Variants in ACACA observed in about 807,000 individuals in gnomAD.
The protein encoded by ACACA is acetyl-CoA carboxylase 1.
A neutral mutation model predicts 296.1 loss-of-function variants in ACACA; 103 were observed. The ratio of observed to expected loss-of-function variants is 0.35; its 90% confidence interval spans 0.30 to 0.41. ACACA has a LOEUF of 0.41. Among genes scored for constraint, ACACA ranks in the 10% least tolerant of loss-of-function variants. The probability of loss-of-function intolerance (pLI) is 1.00; values close to 1 mark genes in which losing one functional copy is unlikely to be tolerated. For missense variants in ACACA, 1,554 were observed against 2,989.7 expected (o/e 0.52, Z 11.20); for synonymous variants, 953 against 1,038.6 (o/e 0.92, Z 1.58).
At chr17:37,151,794 T>C (rs1004734494) in intron 43 of ACACA, among the ~76,000 whole-genome samples, 15 of 152,146 alleles carry the variant, frequency 9.9e-5, no homozygotes, top group South Asian at 4.1e-4. Context: ...CCCAAGTAGC[T>C]GGGACTACAG....
intron 45 of ACACA, chr17:37,144,279 C>A: frequency 1.6e-6 from 1 of 617,914 alleles, no homozygotes; most frequent in Non-Finnish European, 3.0e-6. Context: ...TTCTTAGGAT[C>A]TCCTTTGCCC....
chr17:37,326,917 C>T (rs1371625883), intron 3 of ACACA, among the ~76,000 whole-genome samples: 3 of 152,124 alleles, frequency 2.0e-5, no homozygotes, highest in African/African-American at 7.2e-5. Context: ...TCATCTCCAT[C>T]GCAGGAAAAG....
In ACACA at chr17:37,390,175, T is replaced by TATAC. The variant is rs60788220; in HGVS notation, c.38+16086_38+16087insGTAT. Among the ~76,000 whole-genome samples the TATAC allele has an allele frequency of 1.1e-3, 51 of 44,500 alleles. 2 individuals carry two copies. The highest frequency in any genetic ancestry group is 2.1e-3 in the African/African-American group (18 of 8,588). 29.2% of individuals were successfully genotyped at this position (44,500 alleles called of 152,430 possible). ...ATATATATATATATATATATATATATACACACACACATTATATATAAATAT... is the reference window on the plus strand; with the variant it reads ...ATATATATATATATATATATATATATATACACACACACACATTATATATAAATAT... On this transcript the variant is annotated intron_variant, in intron 1 of 55. Coordinates refer to ENST00000616317, the MANE Select transcript of ACACA (RefSeq NM_198834.3).
Position 37,093,850 on chromosome 17 carries a change from A to G in ACACA, c.6891+3146T>C, listed in dbSNP as rs1597794804. 2.0e-5 allele frequency among the ~76,000 whole-genome samples: 3 copies of G among 152,258 alleles called. No homozygotes were observed. In the East Asian group the frequency reaches 5.8e-4, roughly 29 times the overall value. ...TAAAACTCACTGAACCCCATGACAT[A>G]AACACCACCCCCATTTTACAGATGA... is the stretch of plus-strand genomic sequence containing the variant. On this transcript the variant is annotated intron_variant, in intron 54 of 55. Coordinates refer to ENST00000616317, the MANE Select transcript of ACACA (RefSeq NM_198834.3).
rs148258369 is a variant in ACACA at position 37,189,559 on chromosome 17, T to G, written c.4573-1079A>C. Among the ~76,000 whole-genome samples, 53 of 152,180 alleles carry G rather than the reference T, an allele frequency of 3.5e-4. 1 individual carries two copies. Among genetic ancestry groups the G allele is most frequent in the Non-Finnish European group, 5.1e-4 (35 of 68,030 alleles). On this transcript the variant is annotated intron_variant, in intron 38 of 55. Transcript: ENST00000616317. ...TTTATGTACAGAAAATTGGCAGCTA[T>G]CTATCATTAGAAAAGCAGAGCCAGT...
intron 1 of ACACA, chr17:37,359,020 G>T: frequency 1.0e-6 from 1 of 985,854 alleles, no homozygotes. Flanking sequence ...AACGTGTGCG[G>T]TCGGGCGATT....
At chr17:37,280,762 C>CA (rs58463366) in intron 5 of ACACA, among the ~76,000 whole-genome samples, 3 of 145,124 alleles carry the variant, frequency 2.1e-5, no homozygotes, top group African/African-American at 2.8e-5. Flanking sequence ...CACACACACA[C>CA]CCCAAAAAAC....
At chr17:37,284,806 T>G in intron 4 of ACACA, 32 bp downstream of exon 4, 1 of 1,614,030 alleles carries the variant, frequency 6.2e-7, no homozygotes, top group Non-Finnish European at 8.5e-7. Context: ...CTAAGTGCTT[T>G]TGACAAAATA....
chr17:37,371,761 G>C (rs9890298), intron 1 of ACACA, among the ~76,000 whole-genome samples: 1 of 151,824 alleles, frequency 6.6e-6, no homozygotes, highest in Non-Finnish European at 1.5e-5. Context: ...TTAGCCAGGC[G>C]TGGTGATGGG....
At chr17:37,349,091 C>T (rs1418683480) in intron 1 of ACACA, among the ~76,000 whole-genome samples, 3 of 151,148 alleles carry the variant, frequency 2.0e-5, no homozygotes, top group Admixed American at 6.6e-5. Flanking sequence ...GATGGAGTCT[C>T]GCTCTGTTGC....
chr17:37,329,906 A>C (rs1369051489), intron 3 of ACACA, among the ~76,000 whole-genome samples: 1 of 152,140 alleles, frequency 6.6e-6, no homozygotes, highest in Non-Finnish European at 1.5e-5. Context: ...GCACCACTGC[A>C]CTCCAGCTTG....
At chr17:37,238,750 T>C (rs2080242802) in intron 24 of ACACA, among the ~76,000 whole-genome samples, 1 of 152,234 alleles carries the variant, frequency 6.6e-6, no homozygotes, top group Non-Finnish European at 1.5e-5. Context: ...GATTATAATT[T>C]TCCTCAAAAG....
chr17:37,267,911 C>T (rs753864768), intron 10 of ACACA, among the ~76,000 whole-genome samples: 51 of 152,106 alleles, frequency 3.4e-4, no homozygotes, highest in Non-Finnish European at 6.3e-4. Context: ...CAGGCATGTG[C>T]CACCAGGCCC....
At chr17:37,194,068 C>G (rs2145142278) in intron 35 of ACACA, among the ~76,000 whole-genome samples, 1 of 151,922 alleles carries the variant, frequency 6.6e-6, no homozygotes, top group Non-Finnish European at 1.5e-5. Context: ...TTTACTAGAA[C>G]CTTATTAATT....
chr17:37,151,999 G>A (rs924628973), intron 43 of ACACA, among the ~76,000 whole-genome samples: 1 of 151,378 alleles, frequency 6.6e-6, no homozygotes, highest in African/African-American at 2.4e-5. Context: ...GTTTCACCAT[G>A]TTGGCCAGGA....
chr17:37,210,189 C>A (rs2078683572), intron 30 of ACACA, among the ~76,000 whole-genome samples: 1 of 152,128 alleles, frequency 6.6e-6, no homozygotes, highest in Non-Finnish European at 1.5e-5. Context: ...GCTAGCAAGG[C>A]CGGACATAAG....
At chr17:37,126,184 C>T (rs2143219306) in intron 47 of ACACA, among the ~76,000 whole-genome samples, 1 of 152,186 alleles carries the variant, frequency 6.6e-6, no homozygotes, top group Non-Finnish European at 1.5e-5. Flanking sequence ...TAAAACTTGC[C>T]TTACAATTTT....
intron 1 of ACACA, chr17:37,386,154 G>T: frequency 7.1e-7 from 1 of 1,407,316 alleles, no homozygotes; most frequent in Non-Finnish European, 9.9e-7. Context: ...AAATGACAAA[G>T]TACAGAATAA....
chr17:37,396,393 T>C (rs1444789455), intron 1 of ACACA, among the ~76,000 whole-genome samples: 1 of 152,022 alleles, frequency 6.6e-6, no homozygotes, highest in Non-Finnish European at 1.5e-5. Context: ...TTTGTATCTC[T>C]GTTTTGCCAT....
Sources: allele counts gnomAD v4.1 joint callset (sites outside exome capture counted in the v4.1 genomes callset), GRCh38; gene constraint gnomAD v4.1.1; transcripts MANE v1.5; gene names NCBI Gene and HGNC (gene_info 2026-07-23, HGNC 2026-07-21).